Variants in CD300C observed in about 807,000 individuals in gnomAD.
CD300C encodes CD300c molecule.
In CD300C, 11 loss-of-function variants were observed where a neutral mutation model predicts 18.4. The observed-to-expected ratio is 0.60, with a 90% CI of 0.38 to 0.99. The LOEUF (loss-of-function observed/expected upper bound fraction) is 0.99, where lower values mean the gene tolerates loss of function less well. CD300C is among the 50% of genes least tolerant of loss of function. CD300C has a pLI of 0.01. For missense variants in CD300C, 277 were observed against 287.4 expected (o/e 0.96, Z 0.26); for synonymous variants, 116 against 116.3 (o/e 1.00, Z 0.02).
the CD300C span, among the ~76,000 whole-genome samples, chr17:74,535,469 CAAAA>C: frequency 5.0e-5 from 4 of 80,274 alleles, no homozygotes; most frequent in Non-Finnish European, 7.3e-5. Flanking sequence ...AACTCTGTCT[CAAAA>C]AAAAAAAAAA....
rs371671146 is a variant in CD300C, at chr17:74,544,989, G to A, written c.62-42C>T. The A allele has an allele frequency of 5.2e-6, 8 of 1,546,204 alleles. No individual in the cohort carries two copies. The East Asian group carries it at 1.8e-4, about 35-fold the overall frequency. On this transcript the variant is annotated intron_variant, in intron 1 of 3. Transcript: ENST00000330793. The stretch of plus-strand genomic sequence containing the variant: ...AAAATCCTGTCTCCTTACCAGAGGG[G>A]CCTGGTCAGGGGTGCCGCAGTGTCA...
downstream of CD300C, among the ~76,000 whole-genome samples, chr17:74,540,429 G>A (rs1908507667): frequency 6.6e-6 from 1 of 152,036 alleles, no homozygotes; most frequent in East Asian, 1.9e-4. Flanking sequence ...CCTGGAATAT[G>A]GGCTCAGTGT....
At chr17:74,540,126 G>A (rs1016277636), downstream of CD300C, among the ~76,000 whole-genome samples, 1 of 152,162 alleles carries the variant, frequency 6.6e-6, no homozygotes, top group African/African-American at 2.4e-5. Flanking sequence ...TCTGCTTCCT[G>A]TGTTTTCCAG....
chr17:74,545,630 C>A, intron 1 of CD300C, 92 bp downstream of exon 1: 1 of 1,020,740 alleles, frequency 9.8e-7, no homozygotes, highest in Non-Finnish European at 1.5e-6. Flanking sequence ...CTGCCCCACT[C>A]CCCTCTATGA....
At chr17:74,542,423 G>C (rs542149316) in intron 3 of CD300C, among the ~76,000 whole-genome samples, 10 of 152,148 alleles carry the variant, frequency 6.6e-5, no homozygotes, top group African/African-American at 2.4e-4. Flanking sequence ...TCTTCCTCCA[G>C]ACCCCAGAGT....
downstream of CD300C, among the ~76,000 whole-genome samples, chr17:74,537,963 G>C (rs1221753545): frequency 1.3e-5 from 2 of 152,276 alleles, no homozygotes; most frequent in South Asian, 2.1e-4. Flanking sequence ...GTAGGATGTG[G>C]TTTTCTGAGA....
chr17:74,543,429 T>G (rs1908631048), intron 2 of CD300C, among the ~76,000 whole-genome samples: 1 of 152,088 alleles, frequency 6.6e-6, no homozygotes, highest in Admixed American at 6.5e-5. Context: ...GGGACCCGAG[T>G]CCACTCAGCC....
the CD300C span, among the ~76,000 whole-genome samples, chr17:74,535,997 A>G: frequency 6.6e-6 from 1 of 152,242 alleles, no homozygotes; most frequent in African/African-American, 2.4e-5. Flanking sequence ...TGCTTATCCA[A>G]ATGGAAGACA....
intron 1 of CD300C, 34 bp from the exon 2 acceptor site, chr17:74,544,981 C>T: frequency 6.4e-7 from 1 of 1,566,596 alleles, no homozygotes; most frequent in South Asian, 1.2e-5. Flanking sequence ...TGTCTCCTTA[C>T]CAGAGGGGCC....
chr17:74,544,538 T>A, intron 2 of CD300C, 71 bp downstream of exon 2: 1 of 1,526,676 alleles, frequency 6.6e-7, no homozygotes, highest in Non-Finnish European at 8.9e-7. Flanking sequence ...CTGTTCCACT[T>A]CTTTCTTCAG....
At chr17:74,543,658 A>T (rs1908640886) in intron 2 of CD300C, among the ~76,000 whole-genome samples, 1 of 152,140 alleles carries the variant, frequency 6.6e-6, no homozygotes. Context: ...CAAAGGGCGC[A>T]GGAGGGACAC....
chr17:74,543,344 G>A (rs1299500089), intron 2 of CD300C, among the ~76,000 whole-genome samples: 6 of 152,246 alleles, frequency 3.9e-5, no homozygotes, highest in Non-Finnish European at 7.3e-5. Flanking sequence ...GCGAAGCCAG[G>A]GCCCTGGGCA....
downstream of CD300C, among the ~76,000 whole-genome samples, chr17:74,537,747 A>G (rs1908424948): frequency 6.6e-6 from 1 of 152,204 alleles, no homozygotes; most frequent in Non-Finnish European, 1.5e-5. Context: ...TTGGAAATCC[A>G]TATGCATGTA....
chr17:74,543,066 C>G lies in CD300C; in HGVS notation c.401-79G>C, dbSNP rs1908615798. 4.5e-6 allele frequency: 7 copies of G among 1,570,104 alleles called. No homozygotes were observed. In the Admixed American group the frequency reaches 1.2e-4, roughly 27 times the overall value. On this transcript the variant is annotated intron_variant, in intron 2 of 3. Transcript: ENST00000330793. ...CTCTCACCTGTTCTGCTCCAATTTT[C>G]ACAGACAAGGTCACCAATGATGTGC...
chr17:74,538,518 C>A (rs1003310955), downstream of CD300C, among the ~76,000 whole-genome samples: 1 of 152,204 alleles, frequency 6.6e-6, no homozygotes, highest in Non-Finnish European at 1.5e-5. Flanking sequence ...CTGGACATAG[C>A]AGCCAGATAC....
At chr17:74,538,546 T>G (rs1261352049), downstream of CD300C, among the ~76,000 whole-genome samples, 1 of 152,198 alleles carries the variant, frequency 6.6e-6, no homozygotes, top group African/African-American at 2.4e-5. Flanking sequence ...CAATGGCCTC[T>G]AATTATCACC....
In CD300C at chr17:74,542,919, C is replaced by T. The variant is rs758421898; in HGVS notation, c.469G>A (p.Val157Met). The T allele has an allele frequency of 3.7e-5, 60 of 1,612,418 alleles. No individual in the cohort carries two copies. In the Admixed American group the frequency reaches 6.5e-4, roughly 17 times the overall value. ...GTSGPPTKLPVHTWPSVTRKD... is the reference protein window; with the variant it reads ...GTSGPPTKLPMHTWPSVTRKD... ...CTGGTCACGCTGGGCCAGGTGTGCACGGGCAGCTTCGTGGGAGGACCTGAG... is the reference window on the plus strand; with the variant it reads ...CTGGTCACGCTGGGCCAGGTGTGCATGGGCAGCTTCGTGGGAGGACCTGAG... The change falls in exon 3 of 4, where the codon GTG becomes ATG. Residue 157 changes from valine (V) to methionine (M), a missense_variant. Val to Met is a conservative substitution (Grantham distance 21). Transcript: ENST00000330793.
At chr17:74,543,335 C>T (rs58440339) in intron 2 of CD300C, among the ~76,000 whole-genome samples, 14,663 of 152,250 alleles carry the variant, frequency 0.096, 964 homozygotes, top group East Asian at 0.31. Flanking sequence ...AGAGTGACTG[C>T]GAAGCCAGGG....
At chr17:74,542,272 ACT>A (rs1908578542) in intron 3 of CD300C, among the ~76,000 whole-genome samples, 1 of 151,904 alleles carries the variant, frequency 6.6e-6, no homozygotes, top group African/African-American at 2.4e-5. Context: ...ACAGGATGAA[ACT>A]CTGGCCAGGG....
Sources: gnomAD v4.1 joint callset for allele counts (sites outside exome capture counted in the v4.1 genomes callset) on GRCh38, gnomAD v4.1.1 for gene constraint, MANE v1.5 for transcripts, NCBI Gene and HGNC (gene_info 2026-07-23, HGNC 2026-07-21) for gene names.